The following CADM2 variants were observed in gnomAD, a reference collection of about 807,000 sequenced individuals.
CADM2 encodes the protein cell adhesion molecule 2, also known as immunoglobulin superfamily member 4D.
In CADM2, 12 loss-of-function variants were observed where a neutral mutation model predicts 49.8. The ratio of observed to expected loss-of-function variants is 0.24; its 90% confidence interval spans 0.15 to 0.39. The LOEUF is 0.39. CADM2 is among the 10% of genes least tolerant of loss of function. The pLI, the probability that CADM2 is intolerant of heterozygous loss-of-function variation, is 1.00. For synonymous variants in CADM2, 214 were observed against 175.4 expected, an observed-to-expected ratio of 1.22 and a Z score of -1.74; for missense variants, 378 against 492.3, an observed-to-expected ratio of 0.77 and a Z score of 2.20.
chr3:85,837,581 T>G (rs1269480378), intron 3 of CADM2, among the ~76,000 whole-genome samples: 1 of 151,670 alleles, frequency 6.6e-6, no homozygotes, highest in Non-Finnish European at 1.5e-5. Context: ...CTCGTCATCA[T>G]TCTTTGGAAC....
chr3:85,716,828 G>A (rs2067310130), intron 1 of CADM2, among the ~76,000 whole-genome samples: 1 of 152,050 alleles, frequency 6.6e-6, no homozygotes, highest in Admixed American at 6.6e-5. Context: ...CAATTTCTGA[G>A]GCCTCTGTTC....
intron 1 of CADM2, among the ~76,000 whole-genome samples, chr3:85,553,747 C>A (rs971070447): frequency 3.9e-5 from 6 of 152,098 alleles, no homozygotes; most frequent in African/African-American, 9.7e-5. Flanking sequence ...CAGGCGTAAA[C>A]GTAGTCCCAC....
intron 1 of CADM2, among the ~76,000 whole-genome samples, chr3:85,156,540 A>C (rs993233882): frequency 6.6e-6 from 1 of 152,044 alleles, no homozygotes; most frequent in African/African-American, 2.4e-5. Context: ...AAATTCTACC[A>C]GAGGTACAAG....
intron 2 of CADM2, among the ~76,000 whole-genome samples, chr3:85,774,766 A>G (rs2070273862): frequency 6.6e-6 from 1 of 151,700 alleles, no homozygotes; most frequent in South Asian, 2.1e-4. Context: ...ATGGGCCACA[A>G]TTATTTTGAA....
At chr3:85,440,253 A>T (rs1306042030) in intron 1 of CADM2, among the ~76,000 whole-genome samples, 1 of 152,166 alleles carries the variant, frequency 6.6e-6, no homozygotes, top group Non-Finnish European at 1.5e-5. Context: ...TAATTAGGAA[A>T]CGTGATTACT....
At chr3:85,831,199 G>T (rs1382747385) in intron 3 of CADM2, among the ~76,000 whole-genome samples, 1 of 151,824 alleles carries the variant, frequency 6.6e-6, no homozygotes, top group Non-Finnish European at 1.5e-5. Context: ...TTATCATTCC[G>T]TGAGGTACAT....
At chr3:85,563,761 A>G (rs981902692) in intron 1 of CADM2, among the ~76,000 whole-genome samples, 1 of 152,160 alleles carries the variant, frequency 6.6e-6, no homozygotes. Context: ...GCAACCGAAA[A>G]TGAAGCAAGT....
intron 8 of CADM2, among the ~76,000 whole-genome samples, chr3:86,037,125 TGTC>T: frequency 6.6e-6 from 1 of 152,332 alleles, no homozygotes; most frequent in East Asian, 1.9e-4. Flanking sequence ...ATACAGTTGC[TGTC>T]TTGCTAATGT....
At chr3:86,058,158 T>C (rs1738215300) in intron 8 of CADM2, among the ~76,000 whole-genome samples, 1 of 152,180 alleles carries the variant, frequency 6.6e-6, no homozygotes, top group Non-Finnish European at 1.5e-5. Flanking sequence ...TTCCATCTAA[T>C]CTCATGTTAT....
chr3:85,695,107 G>C (rs972451023), intron 1 of CADM2, among the ~76,000 whole-genome samples: 1 of 152,032 alleles, frequency 6.6e-6, no homozygotes, highest in Non-Finnish European at 1.5e-5. Context: ...CCACTCCCAA[G>C]AATGTTAAAA....
At chr3:86,014,781 T>C in intron 8 of CADM2, 1 of 1,475,074 alleles carries the variant, frequency 6.8e-7, no homozygotes, top group Non-Finnish European at 9.1e-7. Flanking sequence ...GAGAATCAAA[T>C]AGAAACACAG....
At chr3:85,568,937 A>G (rs905133170) in intron 1 of CADM2, among the ~76,000 whole-genome samples, 1 of 152,094 alleles carries the variant, frequency 6.6e-6, no homozygotes, top group Non-Finnish European at 1.5e-5. Flanking sequence ...AGGCACATTG[A>G]CATAGTTTTT....
intron 1 of CADM2, among the ~76,000 whole-genome samples, chr3:85,040,103 T>G (rs1022561925): frequency 6.6e-6 from 1 of 152,144 alleles, no homozygotes; most frequent in South Asian, 2.1e-4. Context: ...CTAATAAACC[T>G]AAAAGGAAGA....
At chr3:85,981,004 C>G (rs1272533305) in intron 8 of CADM2, among the ~76,000 whole-genome samples, 1 of 151,370 alleles carries the variant, frequency 6.6e-6, no homozygotes, top group Non-Finnish European at 1.5e-5. Flanking sequence ...CACTAGCAAT[C>G]AAATGTATAC....
chr3:85,604,138 T>G (rs146441761), intron 1 of CADM2, among the ~76,000 whole-genome samples: 28 of 152,110 alleles, frequency 1.8e-4, no homozygotes, highest in African/African-American at 6.5e-4. Context: ...GTATTCTTTG[T>G]GTACACATAA....
intron 3 of CADM2, among the ~76,000 whole-genome samples, chr3:85,841,298 G>A (rs2074627504): frequency 6.6e-6 from 1 of 151,796 alleles, no homozygotes; most frequent in Non-Finnish European, 1.5e-5. Flanking sequence ...AGGTAGAGGA[G>A]TAGTGTAATA....
At chr3:85,290,113 G>A (rs1337410945) in intron 1 of CADM2, among the ~76,000 whole-genome samples, 1 of 152,142 alleles carries the variant, frequency 6.6e-6, no homozygotes, top group Non-Finnish European at 1.5e-5. Context: ...GCAGGGTGAG[G>A]CATTGCTTCA....
intron 1 of CADM2, among the ~76,000 whole-genome samples, chr3:84,985,600 C>A (rs1394354543): frequency 6.6e-6 from 1 of 151,952 alleles, no homozygotes; most frequent in Non-Finnish European, 1.5e-5. Flanking sequence ...TTGATGTTTG[C>A]GTCTTTGATG....
chr3:84,974,984 AT>A (rs1198422700), intron 1 of CADM2, among the ~76,000 whole-genome samples: 3 of 152,016 alleles, frequency 2.0e-5, no homozygotes, highest in South Asian at 4.1e-4. Context: ...AAGAAAAAGC[AT>A]TTATTTCTAA....
Sources: gnomAD v4.1 joint callset for allele counts (sites outside exome capture counted in the v4.1 genomes callset) on GRCh38, gnomAD v4.1.1 for gene constraint, MANE v1.5 for transcripts, NCBI Gene and HGNC (gene_info 2026-07-23, HGNC 2026-07-21) for gene names.